CLTCL1: variants seen among roughly 807,000 people sequenced by gnomAD.
The protein encoded by CLTCL1 is clathrin heavy chain like 1, also known as clathrin heavy chain 2.
CLTCL1 carries 159 observed loss-of-function variants against 190.0 expected under a neutral mutation model. The ratio of observed to expected loss-of-function variants is 0.84; its 90% CI spans 0.74 to 0.95. CLTCL1 has a LOEUF of 0.95. Among genes scored for constraint, CLTCL1 ranks in the 40% least tolerant of loss-of-function variants. The pLI is 0.00. For missense variants in CLTCL1, 1,878 were observed against 2,033.4 expected, an observed-to-expected ratio of 0.92 and a Z score of 1.47; for synonymous variants, 752 against 769.6, an observed-to-expected ratio of 0.98 and a Z score of 0.38.
Position 19,225,576 on chromosome 22 carries a change from C to T in CLTCL1, c.2005G>A (p.Ala669Thr). The T allele has an allele frequency of 6.3e-7, 1 of 1,581,890 alleles. No individual in the cohort carries two copies. Among genetic ancestry groups the T allele is most frequent in the Non-Finnish European group, 8.6e-7 (1 of 1,163,982 alleles). The change falls in exon 13 of 33, where the codon GCC (alanine) becomes ACC (threonine). Residue 669 changes from alanine (A) to threonine (T), a missense_variant. Coordinates refer to ENST00000427926, the MANE Select transcript of CLTCL1 (RefSeq NM_007098.4). ...TGTCTGATGTTAGCAGACAGCATGG[C>T]ATGCAGACACTCCACAGAATCCTCC... ...SVEDSVECLH[A>T]MLSANIRQNL...
Position 19,233,483 on chromosome 22 carries a change from CA to C in CLTCL1, c.1306del (p.Cys436AlafsTer13). 6.2e-7 allele frequency: 1 copy of C among 1,613,814 alleles called. No individual in the cohort carries two copies. The highest frequency in any genetic ancestry group is 8.5e-7 in the Non-Finnish European group (1 of 1,179,828). ...ACGCCCCTGCTGAAGAACCAGATGG[CA>C]AAGTTCTAAGGATTCAAGTTTATTG... is the stretch of plus-strand genomic sequence containing the variant. ...QLNKLESLEL[C>X]HLVLQQGRKQ... is the part of the protein sequence containing the mutation. On this transcript the variant is annotated frameshift_variant, in exon 8 of 33. Transcript: ENST00000427926. LOFTEE classifies it high-confidence loss of function.
At chr22:19,286,633 G>A (rs117148245) in intron 1 of CLTCL1, among the ~76,000 whole-genome samples, 433 of 138,744 alleles carry the variant, frequency 3.1e-3, no homozygotes, top group Non-Finnish European at 4.5e-3. Context: ...GTGTGTGGAT[G>A]GGAACTGTTT....
chr22:19,180,233 C>T lies in CLTCL1; in HGVS notation c.4909G>A (p.Asp1637Asn). 3 of 1,613,772 alleles carry T rather than the reference C, an allele frequency of 1.9e-6. No individual in the cohort carries two copies. Among genetic ancestry groups the T allele is most frequent in the Non-Finnish European group, 2.5e-6 (3 of 1,179,860 alleles). The change falls in exon 32 of 33, where the codon GAT becomes AAT. Residue 1637 changes from aspartate (D) to asparagine (N), a missense_variant. Asp to Asn is a conservative substitution (Grantham distance 23). Coordinates refer to ENST00000427926, the MANE Select transcript of CLTCL1 (RefSeq NM_007098.4). ...TCAGCTGGGTCTCATTCATGCCCAT[C>T]AAAATCTAAAAAAACCAGAATGACA... ...TEPAPLVFDF[D>N]GHE is the part of the protein sequence containing the mutation.
chr22:19,200,690 A>T (rs561461990), intron 23 of CLTCL1, among the ~76,000 whole-genome samples: 154 of 152,130 alleles, frequency 1.0e-3, no homozygotes, highest in African/African-American at 3.6e-3. Flanking sequence ...AAATACAAAA[A>T]AATTAGCCGG....
At chr22:19,215,518 A>G (rs1278002951) in intron 19 of CLTCL1, among the ~76,000 whole-genome samples, 1 of 152,112 alleles carries the variant, frequency 6.6e-6, no homozygotes, top group Non-Finnish European at 1.5e-5. Flanking sequence ...CCACCTCTAT[A>G]GTGCTGGTCC....
intron 3 of CLTCL1, among the ~76,000 whole-genome samples, chr22:19,247,616 A>G (rs1429290332): frequency 5.9e-5 from 9 of 152,036 alleles, no homozygotes; most frequent in African/African-American, 1.9e-4. Context: ...GCTGGAGTGC[A>G]ATGGTGTGAT....
intron 30 of CLTCL1, chr22:19,183,109 T>C: frequency 2.3e-6 from 1 of 435,026 alleles, no homozygotes; most frequent in Non-Finnish European, 4.3e-6. Flanking sequence ...CCTGTTGTGC[T>C]CCTAGCAGTG....
chr22:19,244,201 GA>G (rs2086348220), intron 3 of CLTCL1, among the ~76,000 whole-genome samples: 1 of 152,068 alleles, frequency 6.6e-6, no homozygotes, highest in African/African-American at 2.4e-5. Flanking sequence ...CTTAAAATGG[GA>G]TAACAAAGGC....
chr22:19,201,623 C>T (rs1266432763), intron 22 of CLTCL1, 130 bp from the exon 23 acceptor site: 8 of 984,780 alleles, frequency 8.1e-6, no homozygotes, highest in East Asian at 2.5e-5. Context: ...TCTGATCGCA[C>T]CAGTGACCAG....
chr22:19,250,525 C>T (rs565445683), intron 3 of CLTCL1, among the ~76,000 whole-genome samples: 76 of 148,954 alleles, frequency 5.1e-4, no homozygotes, highest in African/African-American at 1.9e-3. Context: ...CATCTATTCT[C>T]AAGTTAGTAC....
At chr22:19,284,929 T>C (rs1555989176) in intron 1 of CLTCL1, among the ~76,000 whole-genome samples, 1 of 151,848 alleles carries the variant, frequency 6.6e-6, no homozygotes, top group African/African-American at 2.4e-5. Context: ...CACTCCAGCC[T>C]GGTGGACAGA....
At chr22:19,222,246 C>G (rs945755331) in intron 15 of CLTCL1, among the ~76,000 whole-genome samples, 153 bp from the exon 16 acceptor site, 4 of 152,202 alleles carry the variant, frequency 2.6e-5, no homozygotes, top group African/African-American at 9.7e-5. Context: ...GATGTCCTAA[C>G]CCCTAGTGGG....
intron 3 of CLTCL1, among the ~76,000 whole-genome samples, chr22:19,243,699 T>TC (rs2086327489): frequency 1.4e-5 from 2 of 138,190 alleles, no homozygotes; most frequent in South Asian, 4.8e-4. Flanking sequence ...CTTTCTTTCT[T>TC]TTTTTTTTTT....
chr22:19,286,538 T>G (rs1360078612), intron 1 of CLTCL1, among the ~76,000 whole-genome samples: 1 of 152,176 alleles, frequency 6.6e-6, no homozygotes, highest in Non-Finnish European at 1.5e-5. Context: ...AATGGCAACA[T>G]AAACCAAATA....
chr22:19,225,897 C>T (rs1397655446), intron 12 of CLTCL1, among the ~76,000 whole-genome samples: 1 of 152,188 alleles, frequency 6.6e-6, no homozygotes, highest in Non-Finnish European at 1.5e-5. Flanking sequence ...AACACAATAG[C>T]TAGTTTAGCT....
intron 3 of CLTCL1, among the ~76,000 whole-genome samples, chr22:19,246,817 T>A (rs1193232469): frequency 6.6e-6 from 1 of 152,216 alleles, no homozygotes; most frequent in Non-Finnish European, 1.5e-5. Flanking sequence ...GCTAATGATG[T>A]CAAGCAAGTC....
intron 2 of CLTCL1, among the ~76,000 whole-genome samples, chr22:19,270,559 C>T (rs2800977): frequency 0.062 from 9,352 of 151,632 alleles, 343 homozygotes; most frequent in Middle Eastern, 0.16. Context: ...AACCCCGTCT[C>T]TACTAAAAAT....
At chr22:19,252,780 C>G (rs1195961045) in intron 3 of CLTCL1, among the ~76,000 whole-genome samples, 1 of 152,118 alleles carries the variant, frequency 6.6e-6, no homozygotes. Flanking sequence ...TTTGGGAGGC[C>G]AAGGCGGGCG....
intron 4 of CLTCL1, among the ~76,000 whole-genome samples, chr22:19,239,879 C>T (rs574850762): frequency 1.0e-3 from 156 of 152,168 alleles, no homozygotes; most frequent in African/African-American, 3.7e-3. Context: ...GGAGCCCATC[C>T]CTGCCTTATG....
Sources: gnomAD v4.1 joint callset for allele counts (sites outside exome capture counted in the v4.1 genomes callset) on GRCh38, gnomAD v4.1.1 for gene constraint, MANE v1.5 for transcripts, NCBI Gene and HGNC (gene_info 2026-07-23, HGNC 2026-07-21) for gene names.